The following DNER variants were observed in gnomAD, a reference collection of about 807,000 sequenced individuals.
DNER encodes delta/notch like EGF repeat containing.
DNER carries 33 observed loss-of-function variants against 78.2 expected under a neutral mutation model. That is an observed-to-expected ratio of 0.42 (90% confidence interval 0.32 to 0.56). The LOEUF is 0.56. Ranked by LOEUF, DNER falls within the 20% of genes least tolerant of loss-of-function variation. The probability of loss-of-function intolerance (pLI) is 0.11; values close to 1 mark genes in which losing one functional copy is unlikely to be tolerated. For missense variants in DNER, 918 were observed against 975.3 expected (o/e 0.94, Z 0.78); for synonymous variants, 417 against 384.8 (o/e 1.08, Z -0.98).
intron 7 of DNER, among the ~76,000 whole-genome samples, chr2:229,462,270 G>C (rs1294411176): frequency 6.6e-6 from 1 of 152,056 alleles, no homozygotes; most frequent in African/African-American, 2.4e-5. Flanking sequence ...TTGTCAGAAA[G>C]CAATAGAGGT....
intron 1 of DNER, among the ~76,000 whole-genome samples, chr2:229,597,249 C>T (rs1010800823): frequency 7.9e-5 from 12 of 152,202 alleles, no homozygotes; most frequent in African/African-American, 2.9e-4. Flanking sequence ...TGGCAGCTTT[C>T]TGCCATTATT....
At chr2:229,703,509 G>T (rs896070170) in intron 1 of DNER, among the ~76,000 whole-genome samples, 1 of 152,154 alleles carries the variant, frequency 6.6e-6, no homozygotes, top group Admixed American at 6.5e-5. Flanking sequence ...GACACAAAAA[G>T]TACAAACCAT....
chr2:229,462,628 G>A (rs1354310188), intron 7 of DNER, among the ~76,000 whole-genome samples: 1 of 152,088 alleles, frequency 6.6e-6, no homozygotes, highest in Admixed American at 6.5e-5. Context: ...TTTCTCTTAT[G>A]AGATTCCCTG....
rs1391651229 is a variant in DNER at position 229,477,318 on chromosome 2, G to C, written c.1148-65C>G. The C allele has an allele frequency of 2.5e-6, 3 of 1,190,074 alleles. No individual in the cohort carries two copies. The Admixed American group carries it at 6.3e-5, about 25-fold the overall frequency. The allele number at this position is 1,190,074 out of a possible 1,614,324, so 73.7% of individuals were successfully genotyped here. A position where few individuals can be genotyped will look rare whatever the true frequency, so the allele number is the denominator to read the frequency against. On this transcript the variant is annotated intron_variant, in intron 6 of 12. Transcript: ENST00000341772. ...TCCAGACCCACCATGAGCCACTCTA[G>C]GAATTGATGGATTCAACTGGTACCT...
intron 1 of DNER, among the ~76,000 whole-genome samples, chr2:229,611,169 A>G (rs116184471): frequency 0.014 from 2,168 of 152,366 alleles, 45 homozygotes; most frequent in Middle Eastern, 0.048. Flanking sequence ...ATGTAACTGC[A>G]ATTACTTAAG....
chr2:229,485,381 A>G (rs1290978649), intron 6 of DNER, among the ~76,000 whole-genome samples: 1 of 152,338 alleles, frequency 6.6e-6, no homozygotes, highest in Non-Finnish European at 1.5e-5. Flanking sequence ...AAATGCATCC[A>G]TTTCATCAGT....
chr2:229,564,617 C>CCAT (rs1196926628), intron 4 of DNER, among the ~76,000 whole-genome samples: 2 of 145,470 alleles, frequency 1.4e-5, no homozygotes, highest in African/African-American at 5.1e-5. Context: ...CACCACATCA[C>CCAT]CATCATCATC....
chr2:229,444,763 CCTGTAATCCCAACTACTTGGGAGA>C (rs1343759022), intron 8 of DNER, among the ~76,000 whole-genome samples: 1 of 151,932 alleles, frequency 6.6e-6, no homozygotes, highest in African/African-American at 2.4e-5. Context: ...GTGGTGGGAG[CCTGTAATCCCAACTACTTGGGAGA>C]CTGAGGCAGG....
chr2:229,455,601 C>G (rs1000979965), intron 7 of DNER, among the ~76,000 whole-genome samples: 4 of 152,090 alleles, frequency 2.6e-5, no homozygotes, highest in African/African-American at 9.7e-5. Context: ...TCTCTAAACA[C>G]ACGAACAGTT....
At chr2:229,472,849 C>A (rs181065700) in intron 7 of DNER, among the ~76,000 whole-genome samples, 1 of 152,126 alleles carries the variant, frequency 6.6e-6, no homozygotes, top group Non-Finnish European at 1.5e-5. Context: ...AAAGCTAAGT[C>A]GAAATTCAGG....
intron 1 of DNER, among the ~76,000 whole-genome samples, chr2:229,656,985 C>CGTGTGTGTGTGTGTGTGTGTGT (rs1417445603): frequency 2.8e-4 from 42 of 148,830 alleles, no homozygotes; most frequent in African/African-American, 9.9e-4. Context: ...ACAGTTACCA[C>CGTGTGTGTGTGTGTGTGTGTGT]GTGTGTGTGT....
intron 8 of DNER, among the ~76,000 whole-genome samples, chr2:229,425,818 C>T (rs904380154): frequency 6.6e-6 from 1 of 152,246 alleles, no homozygotes; most frequent in Non-Finnish European, 1.5e-5. Flanking sequence ...GTGCTTCCTG[C>T]TGCCTCAGGC....
At chr2:229,402,422 A>G (rs530596917) in intron 10 of DNER, among the ~76,000 whole-genome samples, 1 of 152,382 alleles carries the variant, frequency 6.6e-6, no homozygotes, top group Admixed American at 6.5e-5. Flanking sequence ...GAAAATGTCA[A>G]TGAAATTAAA....
At chr2:229,710,983 GCACACACACA>G (rs34720917) in intron 1 of DNER, among the ~76,000 whole-genome samples, 18 of 139,720 alleles carry the variant, frequency 1.3e-4, no homozygotes, top group Admixed American at 2.9e-4. Context: ...GCATACACGC[GCACACACACA>G]CACACACACA....
intron 1 of DNER, among the ~76,000 whole-genome samples, chr2:229,672,634 AAGAT>A (rs905164611): frequency 7.9e-5 from 12 of 151,656 alleles, no homozygotes; most frequent in Admixed American, 3.3e-4. Flanking sequence ...GAAAGAGAGA[AAGAT>A]AGAGAAAGGA....
chr2:229,440,464 C>G (rs568819374), intron 8 of DNER, among the ~76,000 whole-genome samples: 1 of 152,278 alleles, frequency 6.6e-6, no homozygotes, highest in Non-Finnish European at 1.5e-5. Context: ...GCTGGCTCCT[C>G]TGCCCTCTCC....
chr2:229,554,934 AGAGAGAAAAGGGAAGGG>A (rs1696828207), intron 4 of DNER, among the ~76,000 whole-genome samples: 66 of 31,894 alleles, frequency 2.1e-3, no homozygotes, highest in Admixed American at 3.5e-3. Context: ...AGAGAAGAGA[AGAGAGAAAAGGGAAGGG>A]AAGGGAAGGG....
chr2:229,541,739 C>T (rs1376495466), intron 5 of DNER, among the ~76,000 whole-genome samples: 4 of 151,854 alleles, frequency 2.6e-5, no homozygotes, highest in Non-Finnish European at 4.4e-5. Flanking sequence ...TGGACTCAAA[C>T]TGCAACTCTT....
chr2:229,599,293 T>A (rs1035571655), intron 1 of DNER, among the ~76,000 whole-genome samples: 7 of 152,216 alleles, frequency 4.6e-5, no homozygotes, highest in Non-Finnish European at 1.0e-4. Context: ...AGTGGCAGAA[T>A]CAATTTTAAA....
Sources: allele counts gnomAD v4.1 joint callset (sites outside exome capture counted in the v4.1 genomes callset), GRCh38; gene constraint gnomAD v4.1.1; transcripts MANE v1.5; gene names NCBI Gene and HGNC (gene_info 2026-07-23, HGNC 2026-07-21).